ARNT2: variants seen among roughly 807,000 people sequenced by gnomAD.
The protein encoded by ARNT2 is ARNT protein 2.
A neutral mutation model predicts 91.7 loss-of-function variants in ARNT2; 36 were observed. That is an observed-to-expected ratio of 0.39 (90% CI 0.30 to 0.52). The LOEUF (loss-of-function observed/expected upper bound fraction) is 0.52. Among genes scored for constraint, ARNT2 ranks in the 20% least tolerant of loss-of-function variants. The pLI, the probability that ARNT2 is intolerant of heterozygous loss-of-function variation, is 0.72. For missense variants in ARNT2, 775 were observed against 939.3 expected (o/e 0.83, Z 2.29); for synonymous variants, 365 against 347.1 (o/e 1.05, Z -0.57).
intron 5 of ARNT2, among the ~76,000 whole-genome samples, chr15:80,503,932 AGTGTTGAGGGG>A (rs1897235104): frequency 6.6e-6 from 1 of 152,210 alleles, no homozygotes. Flanking sequence ...GAAGGCTGCA[AGTGTTGAGGGG>A]AGCAAGCTGA....
chr15:80,539,126 C>A (rs769819883), intron 8 of ARNT2, among the ~76,000 whole-genome samples: 14 of 151,734 alleles, frequency 9.2e-5, no homozygotes, highest in Non-Finnish European at 1.5e-4. Flanking sequence ...GCTTTATGGG[C>A]AAATTATTTA....
chr15:80,501,958 A>G (rs1302775174), intron 5 of ARNT2, among the ~76,000 whole-genome samples: 2 of 152,192 alleles, frequency 1.3e-5, no homozygotes, highest in Admixed American at 1.3e-4. Flanking sequence ...TCCTTTGTAC[A>G]TCAAACCCAG....
At chr15:80,556,348 G>A (rs1898189361) in intron 11 of ARNT2, 1 of 152,190 alleles carries the variant, frequency 6.6e-6, no homozygotes, top group South Asian at 2.1e-4. Context: ...GAGGATTTTA[G>A]GCAGAGCAGT....
At chr15:80,566,388 G>T (rs1183014151) in intron 12 of ARNT2, among the ~76,000 whole-genome samples, 3 of 152,144 alleles carry the variant, frequency 2.0e-5, no homozygotes, top group Non-Finnish European at 4.4e-5. Context: ...TCTAGCAGAG[G>T]CAAAGCCTCC....
At chr15:80,559,650 C>T (rs916128760) in intron 11 of ARNT2, among the ~76,000 whole-genome samples, 3 of 152,106 alleles carry the variant, frequency 2.0e-5, no homozygotes, top group South Asian at 2.1e-4. Flanking sequence ...AGCCAGGAAC[C>T]GGGAAACTTG....
At chr15:80,423,136 T>G (rs1335688213) in intron 1 of ARNT2, among the ~76,000 whole-genome samples, 1 of 152,118 alleles carries the variant, frequency 6.6e-6, no homozygotes, top group Non-Finnish European at 1.5e-5. Context: ...AAAATGAGAA[T>G]AATAATAATA....
rs565265382 is a variant in ARNT2 at position 80,591,847 on chromosome 15, A to G, written c.2055+143A>G. 2.2e-5 allele frequency: 30 copies of G among 1,334,332 alleles called. No homozygotes were observed. In the East Asian group the frequency reaches 5.1e-4, roughly 23 times the overall value. The allele number at this position is 1,334,332 out of a possible 1,614,324, so 82.7% of individuals were successfully genotyped here. On this transcript the variant is annotated intron_variant, in intron 18 of 18. Transcript: ENST00000303329. The surrounding 1 kb of genome is among the most constrained non-coding windows in gnomAD (Gnocchi z 5.1). Reference sequence around the variant, plus strand: ...CCTGGGCTCGAGGGAGTCCAGGAGTAGAAAGCCCCATCCTACCCAGCCAGA... The same window carrying G: ...CCTGGGCTCGAGGGAGTCCAGGAGTGGAAAGCCCCATCCTACCCAGCCAGA...
chr15:80,464,397 A>G (rs1156766329), intron 3 of ARNT2, among the ~76,000 whole-genome samples: 1 of 152,182 alleles, frequency 6.6e-6, no homozygotes, highest in African/African-American at 2.4e-5. Context: ...CTATAGAAAC[A>G]TGCAAGATGT....
chr15:80,507,054 T>C (rs557393299), intron 5 of ARNT2, among the ~76,000 whole-genome samples: 20 of 152,208 alleles, frequency 1.3e-4, no homozygotes, highest in Non-Finnish European at 2.1e-4. Flanking sequence ...AAGGGGGCAG[T>C]GAGTGTGGAC....
At chr15:80,418,890 T>C (rs1274754212) in intron 1 of ARNT2, among the ~76,000 whole-genome samples, 1 of 152,224 alleles carries the variant, frequency 6.6e-6, no homozygotes, top group African/African-American at 2.4e-5. Flanking sequence ...ATTCATTCAA[T>C]AAATATTTAT....
At chr15:80,453,565 T>A (rs1470801025) in intron 2 of ARNT2, among the ~76,000 whole-genome samples, 6 of 152,226 alleles carry the variant, frequency 3.9e-5, no homozygotes, top group Admixed American at 6.5e-5. Flanking sequence ...AAGCTCATGA[T>A]AATAGCTCCT....
intron 12 of ARNT2, among the ~76,000 whole-genome samples, chr15:80,570,480 G>A (rs767545562): frequency 1.3e-5 from 2 of 152,154 alleles, no homozygotes; most frequent in Non-Finnish European, 2.9e-5. Context: ...GAATAAGAGA[G>A]TAGAGAAAGT....
intron 5 of ARNT2, among the ~76,000 whole-genome samples, chr15:80,490,119 G>C (rs1368624472): frequency 6.6e-6 from 1 of 152,214 alleles, no homozygotes; most frequent in African/African-American, 2.4e-5. Flanking sequence ...AGTGGTGAGA[G>C]AGAGAAGCTG....
chr15:80,466,060 C>T (rs1896648006), intron 3 of ARNT2, among the ~76,000 whole-genome samples: 1 of 152,194 alleles, frequency 6.6e-6, no homozygotes, highest in Non-Finnish European at 1.5e-5. Flanking sequence ...CAGGGAGTTC[C>T]CAGCATGGGG....
At chr15:80,554,012 C>T (rs1241213987) in intron 10 of ARNT2, among the ~76,000 whole-genome samples, 4 of 152,230 alleles carry the variant, frequency 2.6e-5, no homozygotes, top group African/African-American at 9.6e-5. Context: ...TGCTCCTTGG[C>T]ACACAGATAG....
intron 5 of ARNT2, among the ~76,000 whole-genome samples, chr15:80,499,902 T>C (rs1221006280): frequency 6.6e-6 from 1 of 152,162 alleles, no homozygotes; most frequent in Non-Finnish European, 1.5e-5. Flanking sequence ...AATGGGTAAA[T>C]AGAGTAAGAG....
intron 1 of ARNT2, among the ~76,000 whole-genome samples, chr15:80,432,644 G>A (rs1351452018): frequency 2.0e-5 from 3 of 152,018 alleles, no homozygotes; most frequent in East Asian, 1.9e-4. Flanking sequence ...TTGCCAACCT[G>A]TGGCTTAGGT....
intron 1 of ARNT2, among the ~76,000 whole-genome samples, chr15:80,427,164 A>G (rs1481603855): frequency 1.3e-5 from 2 of 152,190 alleles, no homozygotes; most frequent in African/African-American, 4.8e-5. Flanking sequence ...CAATAAGGTA[A>G]TAAATTCGGG....
chr15:80,545,592 A>C (rs1197879237), intron 8 of ARNT2, among the ~76,000 whole-genome samples: 1 of 152,212 alleles, frequency 6.6e-6, no homozygotes, highest in Non-Finnish European at 1.5e-5. Flanking sequence ...GTCCATTGAT[A>C]TGCAACTGGT....
Sources: gnomAD v4.1 joint callset for allele counts (sites outside exome capture counted in the v4.1 genomes callset) on GRCh38, gnomAD v4.1.1 for gene constraint, Gnocchi (gnomAD v3.1) non-coding constraint, MANE v1.5 for transcripts, NCBI Gene and HGNC (gene_info 2026-07-23, HGNC 2026-07-21) for gene names.